RAB7B: variants seen among roughly 807,000 people sequenced by gnomAD.
RAB7B encodes ras-related protein Rab-7b.
Position 205,985,529 on chromosome 1 carries a change from C to T in RAB7B, c.522+11G>A, listed in dbSNP as rs1660575912. The T allele has an allele frequency of 1.8e-5, 7 of 398,788 alleles. No homozygotes were observed. The highest frequency in any genetic ancestry group is 4.1e-5 in the African/African-American group (2 of 48,622). The allele number at this position is 398,788 out of a possible 1,614,324, so 24.7% of individuals were successfully genotyped here. ...GCGGTCTCAGCAGGTCCTGCCGCCA[C>T]AGCCACTCACCCTCGACAGAGCCCT... On this transcript the variant is annotated intron_variant, in intron 5 of 5. Transcript: ENST00000617070.
chr1:205,981,328 T>C (rs1023838176), intron 5 of RAB7B, among the ~76,000 whole-genome samples: 14 of 152,252 alleles, frequency 9.2e-5, no homozygotes, highest in Admixed American at 1.3e-4. Flanking sequence ...AATCCTTGAA[T>C]GTGGCTAAAT....
In RAB7B at chr1:205,978,104, GA is replaced by G. The variant is rs1660418202; in HGVS notation, c.*746del. On this transcript the variant is annotated 3_prime_UTR_variant, in exon 6 of 6. Coordinates refer to ENST00000617070, the MANE Select transcript of RAB7B (RefSeq NM_001164522.3). ...AAATGCATATTGACAACAGCTACTG[GA>G]TTTAAGCACAGCTTCTGGTCCTCAA... 1 of 152,212 alleles carries G rather than the reference GA, an allele frequency of 6.6e-6. No individual in the cohort carries two copies. The highest frequency in any genetic ancestry group is 6.5e-5 in the Admixed American group (1 of 15,280). 9.4% of individuals were successfully genotyped at this position (152,212 alleles called of 1,614,324 possible).
chr1:206,001,498 GTGT>G (rs1161036734), intron 1 of RAB7B, among the ~76,000 whole-genome samples: 4 of 152,134 alleles, frequency 2.6e-5, no homozygotes, highest in African/African-American at 7.2e-5. Context: ...AAAAAGTGTA[GTGT>G]TGTCACTAAG....
chr1:205,979,158 G>A lies in RAB7B; in HGVS notation c.523-230C>T, dbSNP rs2102629853. Among the ~76,000 whole-genome samples the A allele has an allele frequency of 2.0e-5, 3 of 152,244 alleles. No individual in the cohort carries two copies. In the East Asian group the frequency reaches 5.8e-4, roughly 29 times the overall value. The stretch of plus-strand genomic sequence containing the variant: ...CCAGAGCAGGTCAGTGTCTGAATTA[G>A]CGGCCCAAGTCTCCTGACCTCCAGC... On this transcript the variant is annotated intron_variant, in intron 5 of 5. Coordinates refer to ENST00000617070, the MANE Select transcript of RAB7B (RefSeq NM_001164522.3).
chr1:205,994,647 G>C (rs1660779578), intron 1 of RAB7B, among the ~76,000 whole-genome samples: 1 of 152,226 alleles, frequency 6.6e-6, no homozygotes, highest in East Asian at 1.9e-4. Flanking sequence ...CTCTAATGCA[G>C]CTGGCGGGGG....
Position 205,992,494 on chromosome 1 carries a change from G to A in RAB7B, c.382C>T (p.Leu128=), listed in dbSNP as rs1051993855. The change falls in exon 4 of 6, where the codon CTG becomes TTG. Residue 128 remains leucine, a synonymous_variant. Coordinates refer to ENST00000617070, the MANE Select transcript of RAB7B (RefSeq NM_001164522.3). ...PMVLLGNKID[L]ADRKVPQEVA... ...ACGAACAGTACCTTCCGGTCTGCCA[G>A]ATCGATCTTGTTCCCCAACAACACC... 3 of 398,578 alleles carry A rather than the reference G, an allele frequency of 7.5e-6. No individual in the cohort carries two copies. The highest frequency in any genetic ancestry group is 1.3e-5 in the Non-Finnish European group (3 of 226,090). The allele number at this position is 398,578 out of a possible 1,614,324, so 24.7% of individuals were successfully genotyped here. A position where few individuals can be genotyped will look rare whatever the true frequency, so the allele number is the denominator to read the frequency against.
chr1:205,997,904 G>A (rs1660829650), intron 1 of RAB7B, among the ~76,000 whole-genome samples: 1 of 152,248 alleles, frequency 6.6e-6, no homozygotes, highest in African/African-American at 2.4e-5. Flanking sequence ...CACTGGCTGA[G>A]CCCCTGCAGT....
At chr1:205,983,074 C>T (rs1427951699) in intron 5 of RAB7B, among the ~76,000 whole-genome samples, 1 of 152,192 alleles carries the variant, frequency 6.6e-6, no homozygotes, top group African/African-American at 2.4e-5. Context: ...ATCTGGAAGG[C>T]GTGGGCCTGT....
chr1:205,981,195 C>T (rs1660484990), intron 5 of RAB7B, among the ~76,000 whole-genome samples: 1 of 152,144 alleles, frequency 6.6e-6, no homozygotes. Context: ...GCCACCATGC[C>T]CAGCCAGCAT....
chr1:205,994,193 C>T, intron 1 of RAB7B, 42 bp from the exon 2 acceptor site: 2 of 398,530 alleles, frequency 5.0e-6, no homozygotes, highest in Non-Finnish European at 8.8e-6. Flanking sequence ...GCCAATGTTC[C>T]TTGTGGCCAT....
At chr1:206,001,281 T>TC (rs2102257169) in intron 1 of RAB7B, among the ~76,000 whole-genome samples, 1 of 151,938 alleles carries the variant, frequency 6.6e-6, no homozygotes, top group East Asian at 1.9e-4. Flanking sequence ...AGCCGTCTTT[T>TC]TTTTTTTTTA....
intron 4 of RAB7B, among the ~76,000 whole-genome samples, chr1:205,990,006 C>G: frequency 6.6e-6 from 1 of 152,292 alleles, no homozygotes; most frequent in East Asian, 1.9e-4. Context: ...TTCACTGACT[C>G]TCGGTCTTGA....
intron 3 of RAB7B, among the ~76,000 whole-genome samples, chr1:205,993,200 G>A (rs1313907647): frequency 6.6e-6 from 1 of 152,032 alleles, no homozygotes; most frequent in African/African-American, 2.4e-5. Context: ...CCATTGTACT[G>A]CATAACTTGA....
intron 4 of RAB7B, among the ~76,000 whole-genome samples, chr1:205,987,046 C>A (rs986000177): frequency 1.3e-5 from 2 of 152,116 alleles, no homozygotes; most frequent in African/African-American, 4.8e-5. Flanking sequence ...TTTTTCCCTG[C>A]TCTCTGTTTG....
In RAB7B at chr1:205,977,678, TC is replaced by T. The variant is rs1314150781; in HGVS notation, c.*1172del. On this transcript the variant is annotated 3_prime_UTR_variant, in exon 6 of 6. Coordinates refer to ENST00000617070, the MANE Select transcript of RAB7B (RefSeq NM_001164522.3). ...GCTTTGAGTATTAGGTCAATGGATG[TC>T]CTTTCACTGTTCCTGGAACATGGCA... 1.3e-5 allele frequency: 2 copies of T among 152,244 alleles called. No individual in the cohort carries two copies. The highest frequency in any genetic ancestry group is 4.8e-5 in the African/African-American group (2 of 41,448). 9.4% of individuals were successfully genotyped at this position (152,244 alleles called of 1,614,324 possible).
intron 5 of RAB7B, 91 bp from the exon 6 acceptor site, chr1:205,979,019 C>T (rs1230924459): frequency 2.0e-5 from 8 of 395,922 alleles, no homozygotes; most frequent in Non-Finnish European, 3.1e-5. Flanking sequence ...AGAGCCTGGG[C>T]TCTTGTTTCC....
At chr1:206,000,631 G>T (rs1212280037) in intron 1 of RAB7B, among the ~76,000 whole-genome samples, 1 of 152,200 alleles carries the variant, frequency 6.6e-6, no homozygotes, top group Non-Finnish European at 1.5e-5. Flanking sequence ...CCCCAAGTTG[G>T]GAAGGATCCA....
At chr1:205,982,452 G>A (rs941119150) in intron 5 of RAB7B, among the ~76,000 whole-genome samples, 3 of 152,060 alleles carry the variant, frequency 2.0e-5, no homozygotes, top group Non-Finnish European at 2.9e-5. Flanking sequence ...TCATCCTCTC[G>A]GCAGCACGAA....
chr1:205,986,987 A>G (rs897910430), intron 4 of RAB7B, among the ~76,000 whole-genome samples: 10 of 151,848 alleles, frequency 6.6e-5, no homozygotes, highest in Admixed American at 3.3e-4. Context: ...CTGACTTACC[A>G]TGACCAGATC....
Sources: allele counts gnomAD v4.1 joint callset (sites outside exome capture counted in the v4.1 genomes callset), GRCh38; gene constraint gnomAD v4.1.1; transcripts MANE v1.5; gene names NCBI Gene and HGNC (gene_info 2026-07-23, HGNC 2026-07-21).